The following PRKAR1B variants were observed in gnomAD, a reference collection of about 807,000 sequenced individuals.
PRKAR1B encodes the protein protein kinase cAMP-dependent type I regulatory subunit beta, also known as cAMP-dependent protein kinase type I-beta regulatory subunit.
In PRKAR1B, 22 loss-of-function variants were observed where a neutral mutation model predicts 46.5. The ratio of observed to expected loss-of-function variants is 0.47; its 90% CI spans 0.34 to 0.68. The LOEUF (loss-of-function observed/expected upper bound fraction) is 0.68. Ranked by LOEUF, PRKAR1B falls within the 30% of genes least tolerant of loss-of-function variation. PRKAR1B has a pLI of 0.01. For synonymous variants in PRKAR1B, 259 were observed against 217.7 expected, an observed-to-expected ratio of 1.19 and a Z score of -1.67; for missense variants, 445 against 535.6, an observed-to-expected ratio of 0.83 and a Z score of 1.67.
chr7:685,260 AC>A (rs1778945125), intron 2 of PRKAR1B, among the ~76,000 whole-genome samples: 1 of 104,476 alleles, frequency 9.6e-6, no homozygotes, highest in Non-Finnish European at 1.9e-5. Flanking sequence ...TTTTATATAT[AC>A]ATATATACGT....
intron 1 of PRKAR1B, chr7:726,995 G>A: frequency 1.6e-6 from 2 of 1,260,606 alleles, no homozygotes; most frequent in Non-Finnish European, 2.0e-6. Flanking sequence ...GCCGAGGGCT[G>A]CCGCGCGCTG....
chr7:563,735 G>A (rs1283640513), intron 9 of PRKAR1B, among the ~76,000 whole-genome samples: 3 of 151,908 alleles, frequency 2.0e-5, no homozygotes, highest in Non-Finnish European at 2.9e-5. Flanking sequence ...GGTCTGCTTG[G>A]AGTGTGTATG....
chr7:717,761 C>T lies in PRKAR1B; in HGVS notation c.-22-6234G>A, dbSNP rs185445203. Among the ~76,000 whole-genome samples, 8 of 152,238 alleles carry T rather than the reference C, an allele frequency of 5.3e-5. No homozygotes were observed. The East Asian group carries it at 9.7e-4, about 18-fold the overall frequency. ...ATTTCACGGGAAATTTTGCCACAAA[C>T]CTCAATAGTCTTCTCTACACATGGC... On this transcript the variant is annotated intron_variant, in intron 1 of 10. Coordinates refer to ENST00000537384, the MANE Select transcript of PRKAR1B (RefSeq NM_001164760.2).
At chr7:682,889 G>A (rs920792534) in intron 2 of PRKAR1B, among the ~76,000 whole-genome samples, 2 of 152,184 alleles carry the variant, frequency 1.3e-5, no homozygotes, top group East Asian at 1.9e-4. Context: ...CGAGGTGGGT[G>A]CGGCCCCCAA....
chr7:589,978 C>T (rs1780884441), intron 7 of PRKAR1B, among the ~76,000 whole-genome samples: 2 of 152,216 alleles, frequency 1.3e-5, no homozygotes, highest in South Asian at 2.1e-4. Context: ...CAGCTCTGGA[C>T]ATGTTCAATG....
At chr7:577,056 G>GTCGCC (rs1779889058) in intron 9 of PRKAR1B, among the ~76,000 whole-genome samples, 3 of 137,962 alleles carry the variant, frequency 2.2e-5, no homozygotes, top group Non-Finnish European at 4.9e-5. Context: ...AACTCCATCA[G>GTCGCC]TCACCTCACC....
Position 682,048 on chromosome 7 carries a change from G to T in PRKAR1B, c.178-1322C>A, listed in dbSNP as rs140233248. ...GGTGAATGAAGTAAGGGGAGGGAGG[G>T]AGGAAGGAAGAAGGGAGGAGGGAGC... is the stretch of plus-strand genomic sequence containing the variant. On this transcript the variant is annotated intron_variant, in intron 2 of 10. Coordinates refer to ENST00000537384, the MANE Select transcript of PRKAR1B (RefSeq NM_001164760.2). Among the ~76,000 whole-genome samples, 1,079 of 152,184 alleles carry T rather than the reference G, an allele frequency of 7.1e-3. 11 individuals are homozygous for T. The highest frequency in any genetic ancestry group is 0.044 in the Middle Eastern group (13 of 294).
At chr7:552,377 C>T (rs371617809) in intron 9 of PRKAR1B, among the ~76,000 whole-genome samples, 1 of 128,808 alleles carries the variant, frequency 7.8e-6, no homozygotes, top group African/African-American at 3.1e-5. Context: ...CCACCTCCCG[C>T]CCGGGTCCTT....
intron 8 of PRKAR1B, among the ~76,000 whole-genome samples, 173 bp downstream of exon 8, chr7:584,335 G>A (rs1464205019): frequency 1.3e-5 from 2 of 152,242 alleles, no homozygotes; most frequent in African/African-American, 4.8e-5. Context: ...GTGACAGTGT[G>A]TGTCATCTGT....
chr7:694,900 G>A (rs968000416), intron 2 of PRKAR1B, among the ~76,000 whole-genome samples: 1 of 152,058 alleles, frequency 6.6e-6, no homozygotes. Context: ...GCCAGGCGTG[G>A]TGGTGGGCAC....
At chr7:702,765 G>T (rs1437428916) in intron 2 of PRKAR1B, among the ~76,000 whole-genome samples, 1 of 152,180 alleles carries the variant, frequency 6.6e-6, no homozygotes, top group Non-Finnish European at 1.5e-5. Flanking sequence ...GGAGCTCGCA[G>T]TGAGCGGAGA....
At chr7:625,161 T>G (rs1783317072) in intron 4 of PRKAR1B, among the ~76,000 whole-genome samples, 1 of 152,198 alleles carries the variant, frequency 6.6e-6, no homozygotes, top group Non-Finnish European at 1.5e-5. Context: ...TTCTAAATAA[T>G]GCATGGGTCA....
At chr7:588,693 G>A (rs62651774) in intron 7 of PRKAR1B, among the ~76,000 whole-genome samples, 108 of 28,312 alleles carry the variant, frequency 3.8e-3, no homozygotes, top group South Asian at 0.011. Context: ...GATGGTGATG[G>A]TGGTGATGGT....
chr7:585,480 T>C (rs996990643), intron 7 of PRKAR1B, among the ~76,000 whole-genome samples: 2 of 152,112 alleles, frequency 1.3e-5, no homozygotes, highest in Non-Finnish European at 2.9e-5. Context: ...AATGGTATCA[T>C]CCACTGACAG....
intron 4 of PRKAR1B, among the ~76,000 whole-genome samples, chr7:662,714 A>G (rs1186603195): frequency 6.6e-6 from 1 of 150,656 alleles, no homozygotes; most frequent in Non-Finnish European, 1.5e-5. Flanking sequence ...ACCCCAACAG[A>G]TCCAAATACC....
intron 2 of PRKAR1B, among the ~76,000 whole-genome samples, chr7:698,455 C>T (rs1026771421): frequency 2.6e-5 from 4 of 151,206 alleles, no homozygotes; most frequent in Non-Finnish European, 3.0e-5. Context: ...AGTACGTGTG[C>T]GTGTGTGCAT....
chr7:588,547 C>T (rs13223543), intron 7 of PRKAR1B, among the ~76,000 whole-genome samples: 111 of 4,806 alleles, frequency 0.023, 17 homozygotes, highest in African/African-American at 0.075. Flanking sequence ...ATGGTGGTGA[C>T]GGTGGTGATG....
Position 677,079 on chromosome 7 carries a change from C to T in PRKAR1B, c.440+150G>A, listed in dbSNP as rs544371510. On this transcript the variant is annotated intron_variant, in intron 4 of 10. Transcript: ENST00000537384. ...ACCTCCCGGAGGCCGGAGAAGGCAG[C>T]TGTGATTCCCAGGCGAGCAACGGGG... 6.0e-4 allele frequency: 444 copies of T among 742,878 alleles called. 2 individuals carry two copies. In the East Asian group the frequency reaches 0.011, roughly 19 times the overall value. 46.0% of individuals were successfully genotyped at this position (742,878 alleles called of 1,614,324 possible).
chr7:559,090 C>G (rs1411658242), intron 9 of PRKAR1B, among the ~76,000 whole-genome samples: 1 of 152,246 alleles, frequency 6.6e-6, no homozygotes, highest in African/African-American at 2.4e-5. Context: ...CCTTCAGTCA[C>G]TCGTCTACTG....
Sources: allele counts gnomAD v4.1 joint callset (sites outside exome capture counted in the v4.1 genomes callset), GRCh38; gene constraint gnomAD v4.1.1; transcripts MANE v1.5; gene names NCBI Gene and HGNC (gene_info 2026-07-23, HGNC 2026-07-21).